The following SLC45A2 variants were observed in gnomAD, a reference collection of about 807,000 sequenced individuals.
SLC45A2 encodes solute carrier family 45 member 2, also known as membrane-associated transporter protein.
SLC45A2 carries 36 observed loss-of-function variants against 45.5 expected under a neutral mutation model. The ratio of observed to expected loss-of-function variants is 0.79; its 90% CI spans 0.61 to 1.04. The LOEUF (loss-of-function observed/expected upper bound fraction) is 1.04. Among genes scored for constraint, SLC45A2 ranks in the 50% least tolerant of loss-of-function variants. The pLI is 0.00. For missense variants in SLC45A2, 719 were observed against 671.0 expected (o/e 1.07, Z -0.79); for synonymous variants, 306 against 269.3 (o/e 1.14, Z -1.33).
At chr5:33,973,082 C>A (rs1468675020) in intron 2 of SLC45A2, among the ~76,000 whole-genome samples, 1 of 152,014 alleles carries the variant, frequency 6.6e-6, no homozygotes, top group Non-Finnish European at 1.5e-5. Flanking sequence ...GGAGTCAGGG[C>A]TGGGGGTGTG....
Position 33,984,669 on chromosome 5 carries a change from G to A in SLC45A2, c.-86C>T. On this transcript the variant is annotated 5_prime_UTR_variant, in exon 1 of 7. Coordinates refer to ENST00000296589, the MANE Select transcript of SLC45A2 (RefSeq NM_016180.5). The stretch of plus-strand genomic sequence containing the variant: ...TGTTTCAAACTGGATTTGACGTGGA[G>A]CCTGGCCGAGCAACCAACAGAGATG... The A allele has an allele frequency of 6.4e-7, 1 of 1,571,320 alleles. No homozygotes were observed.
chr5:33,982,084 T>C (rs111802417), intron 2 of SLC45A2, 152 bp downstream of exon 2: 10 of 832,608 alleles, frequency 1.2e-5, no homozygotes, highest in African/African-American at 1.0e-4. Flanking sequence ...TTCAGAGAAA[T>C]GCACGGGGAG....
chr5:33,968,836 G>A (rs563760563), intron 2 of SLC45A2, among the ~76,000 whole-genome samples: 12 of 152,272 alleles, frequency 7.9e-5, no homozygotes, highest in African/African-American at 2.9e-4. Flanking sequence ...AGTCATGAGA[G>A]CTAGCTATGT....
At chr5:33,955,066 C>G (rs539467577) in intron 3 of SLC45A2, among the ~76,000 whole-genome samples, 4 of 152,296 alleles carry the variant, frequency 2.6e-5, no homozygotes, top group African/African-American at 9.6e-5. Flanking sequence ...TAACCAAATT[C>G]CATGAGCCCT....
chr5:33,947,514 T>A, intron 5 of SLC45A2, 140 bp from the exon 6 acceptor site: 2 of 854,034 alleles, frequency 2.3e-6, no homozygotes, highest in Non-Finnish European at 3.7e-6. Flanking sequence ...TCCCCTTATC[T>A]GTGGGTTGAA....
intron 2 of SLC45A2, among the ~76,000 whole-genome samples, chr5:33,968,896 C>A (rs1223196577): frequency 6.6e-6 from 1 of 152,194 alleles, no homozygotes; most frequent in Non-Finnish European, 1.5e-5. Flanking sequence ...GAACTCCCAT[C>A]TTCCCATGGG....
chr5:33,949,281 G>C (rs1331453040), intron 5 of SLC45A2, among the ~76,000 whole-genome samples: 4 of 152,178 alleles, frequency 2.6e-5, no homozygotes, highest in Non-Finnish European at 4.4e-5. Flanking sequence ...GTAATATAGT[G>C]AGCTCTGGAA....
chr5:33,979,385 A>G (rs1233219986), intron 2 of SLC45A2, among the ~76,000 whole-genome samples: 2 of 152,224 alleles, frequency 1.3e-5, no homozygotes, highest in Non-Finnish European at 2.9e-5. Context: ...CAAGGTTCTT[A>G]TTATACAGAT....
In SLC45A2 at chr5:33,947,251, A is replaced by G. The variant is rs759043037; in HGVS notation, c.1280T>C (p.Leu427Pro). The stretch of plus-strand genomic sequence containing the variant: ...GGACATTACACCAAACAGGCTGCAC[A>G]GGACCAGGGTGGAGTAGACATTCGG... ...LFPNVYSTLV[L>P]CSLFGVMSST... The change falls in exon 6 of 7, where the codon CTG becomes CCG. Residue 427 changes from leucine to proline, a missense_variant. Transcript: ENST00000296589. 1.2e-5 allele frequency: 20 copies of G among 1,614,134 alleles called. No individual in the cohort carries two copies. The highest frequency in any genetic ancestry group is 1.7e-5 in the Non-Finnish European group (20 of 1,180,050).
intron 3 of SLC45A2, among the ~76,000 whole-genome samples, chr5:33,961,317 C>T (rs1752449031): frequency 6.6e-6 from 1 of 152,122 alleles, no homozygotes; most frequent in African/African-American, 2.4e-5. Context: ...CTCCATCATC[C>T]ACCTAATAAA....
At chr5:33,969,407 G>T (rs1259198668) in intron 2 of SLC45A2, among the ~76,000 whole-genome samples, 2 of 152,072 alleles carry the variant, frequency 1.3e-5, no homozygotes, top group Admixed American at 1.3e-4. Flanking sequence ...AAGATGCTGA[G>T]ATAATATATT....
At chr5:33,951,495 C>T (rs768187020) in intron 5 of SLC45A2, 59 bp downstream of exon 5, 2 of 1,612,284 alleles carry the variant, frequency 1.2e-6, no homozygotes. Context: ...AATATCAAAT[C>T]CAAGTTGTGC....
intron 6 of SLC45A2, chr5:33,946,885 C>G: frequency 7.2e-7 from 1 of 1,388,500 alleles, no homozygotes; most frequent in Admixed American, 3.0e-5. Context: ...TCAGCCTCAC[C>G]AAGCCTTTTT....
chr5:33,975,952 C>T (rs1230440521), intron 2 of SLC45A2, among the ~76,000 whole-genome samples: 2 of 152,138 alleles, frequency 1.3e-5, no homozygotes, highest in Admixed American at 6.5e-5. Flanking sequence ...GCTATGGACC[C>T]GTAGCAATTG....
chr5:33,950,149 CA>C (rs1752056824), intron 5 of SLC45A2, among the ~76,000 whole-genome samples: 1 of 151,950 alleles, frequency 6.6e-6, no homozygotes, highest in Non-Finnish European at 1.5e-5. Flanking sequence ...ATGATCATGC[CA>C]CTGCACTCCA....
Position 33,951,615 on chromosome 5 carries a change from T to C in SLC45A2, c.1095A>G (p.Arg365=). Reference sequence around the variant, plus strand: ...AGCCCCAACATCCAACCTCGACTCCTCTTTCGTAGATGAGAAACTCTGTGG... The same window carrying C: ...AGCCCCAACATCCAACCTCGACTCCCCTTTCGTAGATGAGAAACTCTGTGG... ...HNSTEFLIYE[R]GVEVGCWGLC... Residue 365 remains arginine, a synonymous_variant, in exon 5 of 7, where the codon AGA becomes AGG. Coordinates refer to ENST00000296589, the MANE Select transcript of SLC45A2 (RefSeq NM_016180.5). The C allele has an allele frequency of 1.2e-6, 2 of 1,614,186 alleles. No homozygotes were observed. Among genetic ancestry groups the C allele is most frequent in the Non-Finnish European group, 1.7e-6 (2 of 1,180,026 alleles).
rs540407133 is a variant in SLC45A2 at position 33,963,626 on chromosome 5, A to C, written c.888+65T>G. ...AAACAGACAAAACAAACAATTAAAA[A>C]AACAACAACAACAACAAAGAGCAAG... On this transcript the variant is annotated intron_variant, in intron 3 of 6. Coordinates refer to ENST00000296589, the MANE Select transcript of SLC45A2 (RefSeq NM_016180.5). The C allele has an allele frequency of 1.1e-4, 176 of 1,546,362 alleles. 2 individuals carry two copies. The South Asian group carries it at 1.4e-3, about 13-fold the overall frequency.
At chr5:33,958,720 G>T (rs886743340) in intron 3 of SLC45A2, among the ~76,000 whole-genome samples, 1 of 152,140 alleles carries the variant, frequency 6.6e-6, no homozygotes, top group African/African-American at 2.4e-5. Context: ...ATCATTCAGA[G>T]TCTACAACAT....
intron 4 of SLC45A2, among the ~76,000 whole-genome samples, chr5:33,953,563 T>C (rs965879958): frequency 1.3e-5 from 2 of 150,994 alleles, no homozygotes; most frequent in African/African-American, 4.9e-5. Context: ...AAGGAAGCGC[T>C]AAACATGGAA....
Sources: gnomAD v4.1 joint callset for allele counts (sites outside exome capture counted in the v4.1 genomes callset) on GRCh38, gnomAD v4.1.1 for gene constraint, MANE v1.5 for transcripts, NCBI Gene and HGNC (gene_info 2026-07-23, HGNC 2026-07-21) for gene names.